The following SH2D6 variants were observed in gnomAD, a reference collection of about 807,000 sequenced individuals.
SH2D6 encodes SH2 domain containing 6.
SH2D6 carries 31 observed loss-of-function variants against 30.2 expected under a neutral mutation model. The ratio of observed to expected loss-of-function variants is 1.03; its 90% CI spans 0.77 to 1.38. The LOEUF (loss-of-function observed/expected upper bound fraction) is 1.38, where lower values mean the gene tolerates loss of function less well. SH2D6 is among the 40% of genes most tolerant of loss of function. The pLI, the probability that SH2D6 is intolerant of heterozygous loss-of-function variation, is 0.00. For missense variants in SH2D6, 240 were observed against 266.8 expected (o/e 0.90, Z 0.70); for synonymous variants, 93 against 104.6 (o/e 0.89, Z 0.68).
intron 5 of SH2D6, among the ~76,000 whole-genome samples, chr2:85,423,246 G>A (rs13022004): frequency 0.16 from 23,422 of 147,078 alleles, 2,116 homozygotes; most frequent in East Asian, 0.31. Flanking sequence ...TTTTTGAGAC[G>A]AAGTCTCACT....
At chr2:85,434,617 T>TAAAAA in intron 19 of SH2D6, 120 bp downstream of exon 19, 52 of 996,506 alleles carry the variant, frequency 5.2e-5, no homozygotes, top group Admixed American at 9.8e-5. Context: ...TGACTAGACT[T>TAAAAA]AAAAAAAAAA....
intron 16 of SH2D6, among the ~76,000 whole-genome samples, 183 bp from the exon 17 acceptor site, chr2:85,433,850 G>C (rs1689064306): frequency 6.6e-6 from 1 of 152,244 alleles, no homozygotes. Context: ...TTAGAGCATG[G>C]GCTGGGTGGG....
At chr2:85,428,188 A>G (rs966360571) in intron 6 of SH2D6, among the ~76,000 whole-genome samples, 2 of 152,210 alleles carry the variant, frequency 1.3e-5, no homozygotes, top group African/African-American at 4.8e-5. Flanking sequence ...AGCCCCTGGA[A>G]GTCATGAGCT....
At chr2:85,435,258 C>A in intron 20 of SH2D6, 135 bp downstream of exon 20, 1 of 1,237,062 alleles carries the variant, frequency 8.1e-7, no homozygotes, top group Non-Finnish European at 1.2e-6. Flanking sequence ...CGGCACCCCG[C>A]CGTGCCCCAG....
At chr2:85,424,234 C>T (rs1687872713) in intron 5 of SH2D6, among the ~76,000 whole-genome samples, 1 of 152,198 alleles carries the variant, frequency 6.6e-6, no homozygotes, top group Non-Finnish European at 1.5e-5. Context: ...CAGTACCTCT[C>T]TTCCACTCCC....
At chr2:85,422,352 A>C (rs193205983) in intron 3 of SH2D6, 38 bp downstream of exon 3, 9 of 152,232 alleles carry the variant, frequency 5.9e-5, no homozygotes, top group African/African-American at 2.2e-4. Context: ...AAAAAAATTA[A>C]AAAGAATGCT....
intron 5 of SH2D6, among the ~76,000 whole-genome samples, chr2:85,423,073 A>G (rs930846715): frequency 9.2e-5 from 14 of 152,158 alleles, no homozygotes; most frequent in African/African-American, 2.7e-4. Flanking sequence ...TTTTTAGTAG[A>G]GACAGGGTTT....
intron 13 of SH2D6, among the ~76,000 whole-genome samples, 169 bp from the exon 14 acceptor site, chr2:85,431,730 C>T (rs1235496413): frequency 2.0e-5 from 3 of 152,320 alleles, no homozygotes; most frequent in East Asian, 3.9e-4. Flanking sequence ...AAGCAGGGAG[C>T]GATTCACAGC....
intron 2 of SH2D6, chr2:85,421,406 T>C (rs1334098701): frequency 1.3e-5 from 2 of 152,178 alleles, no homozygotes; most frequent in Non-Finnish European, 2.9e-5. Flanking sequence ...CGAAGACATA[T>C]GGACAGGAAA....
chr2:85,427,446 C>A (rs1041202248), intron 6 of SH2D6, among the ~76,000 whole-genome samples: 1 of 152,256 alleles, frequency 6.6e-6, no homozygotes, highest in African/African-American at 2.4e-5. Context: ...AGGCCAGTGC[C>A]CCCACCCAGA....
intron 14 of SH2D6, 49 bp downstream of exon 14, chr2:85,432,008 T>G (rs1573232420): frequency 6.6e-6 from 1 of 152,570 alleles, no homozygotes. Context: ...GGACGGGGAG[T>G]ACTCCCGCCA....
In SH2D6 at chr2:85,435,358, C is replaced by T. The variant is rs911636078; in HGVS notation, c.649-55C>T. 89 of 1,577,614 alleles carry T rather than the reference C, an allele frequency of 5.6e-5. 1 individual carries two copies. The highest frequency in any genetic ancestry group is 5.0e-4 in the Middle Eastern group (3 of 5,958). On this transcript the variant is annotated intron_variant, in intron 20 of 23. Transcript: ENST00000469800. ...TAACTGCACCCTGGGTCCTCGGCTC[C>T]GCATGCCTGATTGAGTGCCCTGGCA...
chr2:85,427,014 G>A (rs974350727), intron 6 of SH2D6, among the ~76,000 whole-genome samples: 4 of 152,206 alleles, frequency 2.6e-5, no homozygotes, highest in Non-Finnish European at 4.4e-5. Flanking sequence ...TGCCCACCCC[G>A]CCACCACGTT....
Position 85,427,140 on chromosome 2 carries a change from T to G in SH2D6, c.-208-1444T>G, listed in dbSNP as rs117647817. Among the ~76,000 whole-genome samples, 70 of 152,360 alleles carry G rather than the reference T, an allele frequency of 4.6e-4. 1 individual carries two copies. In the East Asian group the frequency reaches 0.011, roughly 24 times the overall value. On this transcript the variant is annotated intron_variant, in intron 6 of 23. Transcript: ENST00000469800. Reference sequence around the variant, plus strand: ...TTCTGAGGGTGGATTAAGACTACCTTGGGCCCATGGCCTGTTCTCAGTAGC... The same window carrying G: ...TTCTGAGGGTGGATTAAGACTACCTGGGGCCCATGGCCTGTTCTCAGTAGC...
At chr2:85,433,211 A>C in intron 15 of SH2D6, 90 bp downstream of exon 15, 1 of 884,392 alleles carries the variant, frequency 1.1e-6, no homozygotes, top group Non-Finnish European at 1.4e-6. Context: ...GGGCCAGGAA[A>C]TATCCCTGAA....
intron 21 of SH2D6, 52 bp downstream of exon 21, chr2:85,435,548 C>T (rs773870803): frequency 6.2e-7 from 1 of 1,600,276 alleles, no homozygotes; most frequent in Non-Finnish European, 8.5e-7. Context: ...TGCTCACAGG[C>T]TGTGGCTGGC....
chr2:85,435,639 G>A lies in SH2D6; in HGVS notation c.733-27G>A. ...CAGTGGGAGGGCCATTGGAAGATGAGGTTGATGGCTGGGGTCTCCTCCACA... is the reference window on the plus strand; with the variant it reads ...CAGTGGGAGGGCCATTGGAAGATGAAGTTGATGGCTGGGGTCTCCTCCACA... On this transcript the variant is annotated intron_variant, in intron 21 of 23. Transcript: ENST00000469800. The A allele has an allele frequency of 2.5e-6, 4 of 1,583,618 alleles. No homozygotes were observed. The South Asian group carries it at 3.5e-5, about 14-fold the overall frequency.
At chr2:85,423,417 G>C (rs1160320084) in intron 5 of SH2D6, among the ~76,000 whole-genome samples, 1 of 151,730 alleles carries the variant, frequency 6.6e-6, no homozygotes, top group Non-Finnish European at 1.5e-5. Context: ...ATTTTTAGTA[G>C]AGATGGGGTT....
In SH2D6 at chr2:85,428,242, A is replaced by T. The variant is rs572735300; in HGVS notation, c.-208-342A>T. ...TTAGCACTGCTAATTCCATCGTAGG[A>T]AAGTAGGGTCCAGACCCAATCCTGG... On this transcript the variant is annotated intron_variant, in intron 6 of 23. Coordinates refer to ENST00000469800, the MANE Select transcript of SH2D6 (RefSeq NM_001394463.1). Among the ~76,000 whole-genome samples, 212 of 151,996 alleles carry T rather than the reference A, an allele frequency of 1.4e-3. 1 individual carries two copies. The highest frequency in any genetic ancestry group is 4.8e-3 in the African/African-American group (199 of 41,550).
Sources: gnomAD v4.1 joint callset for allele counts (sites outside exome capture counted in the v4.1 genomes callset) on GRCh38, gnomAD v4.1.1 for gene constraint, MANE v1.5 for transcripts, NCBI Gene and HGNC (gene_info 2026-07-23, HGNC 2026-07-21) for gene names.